Variants in PDCD1LG2 observed in about 807,000 individuals in gnomAD.
The protein encoded by PDCD1LG2 is B7 dendritic cell molecule.
Under a neutral mutation model 28.2 loss-of-function variants are expected in PDCD1LG2, and 32 were observed. That is an observed-to-expected ratio of 1.13 (90% confidence interval 0.86 to 1.52). PDCD1LG2 has a LOEUF of 1.52. PDCD1LG2 is among the 40% of genes most tolerant of loss of function. PDCD1LG2 has a pLI of 0.00. For missense variants in PDCD1LG2, 385 were observed against 323.8 expected, an observed-to-expected ratio of 1.19 and a Z score of -1.45; for synonymous variants, 116 against 120.2, an observed-to-expected ratio of 0.97 and a Z score of 0.23.
Position 5,535,068 on chromosome 9 carries a change from C to G in PDCD1LG2, c.361+18C>G. 2 of 1,573,440 alleles carry G rather than the reference C, an allele frequency of 1.3e-6. No individual in the cohort carries two copies. Among genetic ancestry groups the G allele is most frequent in the South Asian group, 1.2e-5 (1 of 85,986 alleles). ...AGTCAAAGGTGAGTGGTGTCAAGGA[C>G]TAGAATCCATGGAAGCATCTCTCCA... On this transcript the variant is annotated intron_variant, in intron 3 of 6. Coordinates refer to ENST00000397747, the MANE Select transcript of PDCD1LG2 (RefSeq NM_025239.4).
Position 5,547,284 on chromosome 9 carries a change from A to G in PDCD1LG2, c.362-2051A>G, listed in dbSNP as rs560837587. ...ATCACACCTCTGCCTTTACTTCAAG[A>G]CTACACTTACTTCAAAAATTGTATT... On this transcript the variant is annotated intron_variant, in intron 3 of 6. Coordinates refer to ENST00000397747, the MANE Select transcript of PDCD1LG2 (RefSeq NM_025239.4). 3.3e-5 allele frequency among the ~76,000 whole-genome samples: 5 copies of G among 152,280 alleles called. No homozygotes were observed. In the South Asian group the frequency reaches 8.3e-4, roughly 25 times the overall value.
chr9:5,536,232 T>C (rs970764310), intron 3 of PDCD1LG2, among the ~76,000 whole-genome samples: 4 of 152,172 alleles, frequency 2.6e-5, no homozygotes, highest in African/African-American at 9.7e-5. Context: ...AGACGAACAA[T>C]AGTAGTACCA....
chr9:5,532,730 T>C (rs895931147), intron 2 of PDCD1LG2, among the ~76,000 whole-genome samples: 2 of 152,214 alleles, frequency 1.3e-5, no homozygotes, highest in African/African-American at 4.8e-5. Flanking sequence ...TCCTGGTTAG[T>C]AAAATATCCT....
At chr9:5,543,538 CAAAAAAAAAAAAA>C (rs139524609) in intron 3 of PDCD1LG2, among the ~76,000 whole-genome samples, 2 of 73,692 alleles carry the variant, frequency 2.7e-5, no homozygotes, top group African/African-American at 4.8e-5. Context: ...GACTCCGTCT[CAAAAAAAAAAAAA>C]AAAAAAAAAT....
At chr9:5,545,191 G>C (rs1166846038) in intron 3 of PDCD1LG2, among the ~76,000 whole-genome samples, 1 of 152,242 alleles carries the variant, frequency 6.6e-6, no homozygotes, top group Non-Finnish European at 1.5e-5. Flanking sequence ...AAGTATTGCT[G>C]TATCCATTTC....
At chr9:5,527,890 G>A (rs1306457532) in intron 2 of PDCD1LG2, among the ~76,000 whole-genome samples, 1 of 151,892 alleles carries the variant, frequency 6.6e-6, no homozygotes, top group Admixed American at 6.6e-5. Flanking sequence ...GTGCAATGCC[G>A]TGATCTTGGC....
intron 1 of PDCD1LG2, among the ~76,000 whole-genome samples, chr9:5,518,345 G>A (rs1820207473): frequency 6.6e-6 from 1 of 152,250 alleles, no homozygotes; most frequent in Admixed American, 6.5e-5. Flanking sequence ...CAAGGGGACA[G>A]TGTGCCAGGA....
intron 1 of PDCD1LG2, among the ~76,000 whole-genome samples, chr9:5,513,069 T>C (rs371479121): frequency 3.9e-5 from 6 of 152,208 alleles, no homozygotes; most frequent in African/African-American, 1.4e-4. Flanking sequence ...CTCAATTCTA[T>C]ACTCAAAAAA....
chr9:5,530,220 T>G (rs1217208606), intron 2 of PDCD1LG2, among the ~76,000 whole-genome samples: 3 of 152,154 alleles, frequency 2.0e-5, no homozygotes, highest in Non-Finnish European at 4.4e-5. Flanking sequence ...TCAAGCTAGG[T>G]GTTCTAATCT....
chr9:5,570,657 C>G lies in PDCD1LG2; in HGVS notation c.*698C>G. 4.3e-6 allele frequency: 1 copy of G among 230,760 alleles called. No individual in the cohort carries two copies. The highest frequency in any genetic ancestry group is 8.6e-6 in the Non-Finnish European group (1 of 116,718). The allele number at this position is 230,760 out of a possible 1,614,324, so 14.3% of individuals were successfully genotyped here. A position where few individuals can be genotyped will look rare whatever the true frequency, so the allele number is the denominator to read the frequency against. ...GTTTAATGGTGGTTTTTTTTTTGAACTACATCTTTCCTTTAAAAATTATTG... is the reference window on the plus strand; with the variant it reads ...GTTTAATGGTGGTTTTTTTTTTGAAGTACATCTTTCCTTTAAAAATTATTG... On this transcript the variant is annotated 3_prime_UTR_variant, in exon 7 of 7. Coordinates refer to ENST00000397747, the MANE Select transcript of PDCD1LG2 (RefSeq NM_025239.4).
At chr9:5,557,541 C>T (rs780997089) in intron 4 of PDCD1LG2, 77 bp from the exon 5 acceptor site, 28 of 1,524,772 alleles carry the variant, frequency 1.8e-5, no homozygotes, top group Non-Finnish European at 2.4e-5. Flanking sequence ...TTGGCTGTCA[C>T]CCACTCATGT....
intron 3 of PDCD1LG2, among the ~76,000 whole-genome samples, chr9:5,542,570 A>G (rs148255394): frequency 6.6e-6 from 1 of 152,378 alleles, no homozygotes; most frequent in South Asian, 2.1e-4. Context: ...CAAATGACCA[A>G]CGAGCATATG....
intron 1 of PDCD1LG2, among the ~76,000 whole-genome samples, chr9:5,514,679 G>A (rs1820121361): frequency 6.6e-6 from 1 of 150,898 alleles, no homozygotes; most frequent in African/African-American, 2.4e-5. Context: ...GTTTGCTTGA[G>A]GCCAGGAATT....
At chr9:5,546,350 G>C (rs901850134) in intron 3 of PDCD1LG2, among the ~76,000 whole-genome samples, 7 of 152,150 alleles carry the variant, frequency 4.6e-5, no homozygotes, top group African/African-American at 1.4e-4. Flanking sequence ...AGACTTGAGA[G>C]CTTACAGAAA....
At chr9:5,566,664 T>G (rs1403307780) in intron 6 of PDCD1LG2, among the ~76,000 whole-genome samples, 1 of 152,184 alleles carries the variant, frequency 6.6e-6, no homozygotes, top group Non-Finnish European at 1.5e-5. Flanking sequence ...TAAGCTTTTG[T>G]TTTTTATATT....
intron 2 of PDCD1LG2, among the ~76,000 whole-genome samples, chr9:5,523,700 A>G (rs1820319519): frequency 6.6e-6 from 1 of 152,190 alleles, no homozygotes; most frequent in Non-Finnish European, 1.5e-5. Flanking sequence ...AGGGGCAATA[A>G]CTTCCTTGCT....
In PDCD1LG2 at chr9:5,534,770, G is replaced by T; in HGVS notation, c.81G>T (p.Lys27Asn). Residue 27 changes from lysine (K) to asparagine (N), a missense_variant, in exon 3 of 7, where the codon AAG (lysine) becomes AAT (asparagine). Transcript: ENST00000397747. Reference protein sequence around the residue: ...IAALFTVTVPKELYIIEHGSN... With the variant: ...IAALFTVTVPNELYIIEHGSN... ...CTTTATTCACAGTGACAGTCCCTAA[G>T]GAACTGTACATAATAGAGCATGGCA... 6.2e-7 allele frequency: 1 copy of T among 1,610,916 alleles called. No individual in the cohort carries two copies. Among genetic ancestry groups the T allele is most frequent in the Non-Finnish European group, 8.5e-7 (1 of 1,177,726 alleles).
intron 1 of PDCD1LG2, among the ~76,000 whole-genome samples, chr9:5,514,687 A>G (rs1023920477): frequency 6.7e-6 from 1 of 148,178 alleles, no homozygotes; most frequent in Admixed American, 6.7e-5. Context: ...GAGGCCAGGA[A>G]TTCGAGGCTG....
At chr9:5,545,444 T>C (rs1031153338) in intron 3 of PDCD1LG2, among the ~76,000 whole-genome samples, 1 of 152,270 alleles carries the variant, frequency 6.6e-6, no homozygotes, top group African/African-American at 2.4e-5. Context: ...AGACTGCTTC[T>C]AGAGGAAGTA....
Sources: gnomAD v4.1 joint callset for allele counts (sites outside exome capture counted in the v4.1 genomes callset) on GRCh38, gnomAD v4.1.1 for gene constraint, MANE v1.5 for transcripts, NCBI Gene and HGNC (gene_info 2026-07-23, HGNC 2026-07-21) for gene names.